SRPX: variants seen among roughly 807,000 people sequenced by gnomAD.
SRPX encodes the protein sushi repeat containing protein X-linked.
SRPX carries 24 observed loss-of-function variants against 38.1 expected under a neutral mutation model. The ratio of observed to expected loss-of-function variants is 0.63; its 90% CI spans 0.46 to 0.89. The LOEUF is 0.89. Ranked by LOEUF, SRPX falls within the 40% of genes least tolerant of loss-of-function variation. The probability of loss-of-function intolerance (pLI) is 0.00; values close to 1 mark genes in which losing one functional copy is unlikely to be tolerated. For synonymous variants in SRPX, 184 were observed against 153.8 expected (o/e 1.20, Z -1.45); for missense variants, 416 against 377.8 (o/e 1.10, Z -0.84).
At chrX:38,150,778 G>T (rs1320258963) in intron 9 of SRPX, among the ~76,000 whole-genome samples, 2 of 111,732 alleles carry the variant, frequency 1.8e-5, no homozygotes, top group Non-Finnish European at 3.8e-5. Context: ...AATATGAAGT[G>T]GTTTCAAGTG....
intron 1 of SRPX, among the ~76,000 whole-genome samples, chrX:38,189,826 T>C (rs1471731442): frequency 8.9e-6 from 1 of 112,167 alleles, no homozygotes; most frequent in African/African-American, 3.2e-5. Context: ...CTTCAGGGAA[T>C]ACGGTCAGGG....
chrX:38,178,254 G>A (rs757383954), intron 2 of SRPX, 31 bp downstream of exon 2: 4 of 1,165,106 alleles, frequency 3.4e-6, no homozygotes, highest in Middle Eastern at 2.4e-4. Flanking sequence ...GCACCAGCAG[G>A]TCCTCATTAG....
intron 1 of SRPX, among the ~76,000 whole-genome samples, chrX:38,181,135 G>A (rs888193437): frequency 3.6e-5 from 4 of 112,330 alleles, no homozygotes; most frequent in African/African-American, 1.3e-4. Context: ...GAACAACTGA[G>A]TTCTAAGGCC....
chrX:38,186,641 G>A (rs958698889), intron 1 of SRPX, among the ~76,000 whole-genome samples: 1 of 111,418 alleles, frequency 9.0e-6, no homozygotes, highest in Non-Finnish European at 1.9e-5. Flanking sequence ...CCTTTACTCA[G>A]GCTGGTGTGC....
intron 4 of SRPX, among the ~76,000 whole-genome samples, chrX:38,171,221 C>T (rs1226637435): frequency 2.7e-5 from 3 of 111,322 alleles, no homozygotes; most frequent in Non-Finnish European, 3.8e-5. Context: ...AGAAGCAGTG[C>T]CTTAGATCAG....
chrX:38,149,962 C>A, intron 9 of SRPX, 68 bp from the exon 10 acceptor site: 1 of 954,088 alleles, frequency 1.0e-6, no homozygotes, highest in Admixed American at 3.2e-5. Context: ...GTGGATCAAC[C>A]AGAGCCTTAC....
At position 38,220,804 on chromosome X, in the gene SRPX, GCTT is replaced by G; in HGVS notation, c.-15_-13del. On this transcript the variant is annotated 5_prime_UTR_variant, in exon 1 of 10. Coordinates refer to ENST00000378533, the MANE Select transcript of SRPX (RefSeq NM_006307.5). ...GCGGGGCTCCCCATGGCGAGCGGGC[GCTT>G]AGCTCGCCTCGGCAGCGCAGCGCGC... The G allele has an allele frequency of 9.2e-7, 1 of 1,088,314 alleles. No individual in the cohort carries two copies. The highest frequency in any genetic ancestry group is 3.5e-5 in the Admixed American group (1 of 28,587). 89.7% of individuals were successfully genotyped at this position (1,088,314 alleles called of 1,213,427 possible).
chrX:38,161,908 G>A (rs755256906), intron 5 of SRPX, among the ~76,000 whole-genome samples: 4 of 111,690 alleles, frequency 3.6e-5, no homozygotes, highest in South Asian at 3.8e-4. Context: ...TACAGTTCTG[G>A]GAATGATGAG....
intron 8 of SRPX, among the ~76,000 whole-genome samples, chrX:38,154,904 G>C (rs1396184822): frequency 5.4e-5 from 6 of 111,160 alleles, no homozygotes. Context: ...CCACCCCAGA[G>C]GATTCTAATT....
chrX:38,153,787 G>T (rs907237283), intron 9 of SRPX, among the ~76,000 whole-genome samples: 1 of 111,760 alleles, frequency 8.9e-6, no homozygotes, highest in Non-Finnish European at 1.9e-5. Context: ...ACAGGGAGCA[G>T]CCTGGGACCC....
chrX:38,217,502 A>G (rs1376949511), intron 1 of SRPX, among the ~76,000 whole-genome samples: 1 of 111,519 alleles, frequency 9.0e-6, no homozygotes, highest in Non-Finnish European at 1.9e-5. Context: ...AACCAGGGGG[A>G]AAAGACTGGA....
At chrX:38,199,288 T>C (rs34118864) in intron 1 of SRPX, among the ~76,000 whole-genome samples, 8 of 111,393 alleles carry the variant, frequency 7.2e-5, no homozygotes, top group Admixed American at 3.8e-4. Context: ...CGCCTGTAGT[T>C]CCAGCTACTC....
At chrX:38,180,005 C>G (rs935461651) in intron 1 of SRPX, among the ~76,000 whole-genome samples, 3 of 111,335 alleles carry the variant, frequency 2.7e-5, no homozygotes, top group African/African-American at 9.8e-5. Flanking sequence ...AATCAAAGGC[C>G]TATGCTCAAA....
chrX:38,207,523 G>C (rs1939233722), intron 1 of SRPX, among the ~76,000 whole-genome samples: 1 of 112,274 alleles, frequency 8.9e-6, no homozygotes, highest in South Asian at 3.7e-4. Flanking sequence ...TTTGTGATGT[G>C]GCATGTGGTC....
At chrX:38,209,601 A>G (rs1017870506) in intron 1 of SRPX, among the ~76,000 whole-genome samples, 5 of 111,767 alleles carry the variant, frequency 4.5e-5, no homozygotes, top group Non-Finnish European at 9.4e-5. Context: ...AGGGTCACTC[A>G]CTCAAATGAA....
chrX:38,165,029 T>C (rs1938339112), intron 4 of SRPX, 134 bp from the exon 5 acceptor site: 7 of 507,016 alleles, frequency 1.4e-5, no homozygotes, highest in Non-Finnish European at 2.2e-5. Flanking sequence ...CCCTATATAT[T>C]CCCCTTTTCT....
intron 5 of SRPX, among the ~76,000 whole-genome samples, chrX:38,163,249 A>G (rs746866199): frequency 8.9e-6 from 1 of 112,360 alleles, no homozygotes; most frequent in South Asian, 3.7e-4. Context: ...GGGGAAGATT[A>G]TTGGAATGTA....
chrX:38,159,758 C>T (rs1490811003), intron 7 of SRPX, among the ~76,000 whole-genome samples: 1 of 112,305 alleles, frequency 8.9e-6, no homozygotes, highest in Non-Finnish European at 1.9e-5. Context: ...CATAATGTCA[C>T]CAAAGGCTGG....
chrX:38,154,445 A>C lies in SRPX; in HGVS notation c.1211+17T>G. On this transcript the variant is annotated intron_variant, in intron 9 of 9. Coordinates refer to ENST00000378533, the MANE Select transcript of SRPX (RefSeq NM_006307.5). The stretch of plus-strand genomic sequence containing the variant: ...CATTCACAGGGGATAAGATTTAAGA[A>C]CAGAACTTCCCCCTACCTGAGCTGC... The C allele has an allele frequency of 1.7e-6, 2 of 1,195,811 alleles. No individual in the cohort carries two copies. Among genetic ancestry groups the C allele is most frequent in the Non-Finnish European group, 2.3e-6 (2 of 887,602 alleles).
Sources: gnomAD v4.1 joint callset for allele counts (sites outside exome capture counted in the v4.1 genomes callset) on GRCh38, gnomAD v4.1.1 for gene constraint, MANE v1.5 for transcripts, NCBI Gene and HGNC (gene_info 2026-07-23, HGNC 2026-07-21) for gene names.